The following ADCY7 variants were observed in gnomAD, a reference collection of about 807,000 sequenced individuals.
The protein encoded by ADCY7 is adenylate cyclase 7.
A neutral mutation model predicts 120.6 loss-of-function variants in ADCY7; 72 were observed. The observed-to-expected ratio is 0.60, with a 90% CI of 0.49 to 0.73. The LOEUF is 0.73. Among genes scored for constraint, ADCY7 ranks in the 30% least tolerant of loss-of-function variants. ADCY7 has a pLI of 0.00. For synonymous variants in ADCY7, 661 were observed against 628.0 expected (o/e 1.05, Z -0.78); for missense variants, 1,227 against 1,486.0 (o/e 0.83, Z 2.87).
chr16:50,247,049 T>C (rs74377379), intron 1 of ADCY7, among the ~76,000 whole-genome samples: 4,403 of 152,036 alleles, frequency 0.029, 65 homozygotes, highest in Admixed American at 0.046. Flanking sequence ...GCTCCAGAGA[T>C]TGAATGAATG....
intron 1 of ADCY7, among the ~76,000 whole-genome samples, chr16:50,252,866 ACTT>A (rs1159676227): frequency 6.6e-6 from 1 of 152,210 alleles, no homozygotes; most frequent in Non-Finnish European, 1.5e-5. Flanking sequence ...TGGGGAAAAA[ACTT>A]CTTAATAGAA....
intron 1 of ADCY7, among the ~76,000 whole-genome samples, chr16:50,247,539 A>ATTT (rs5816683): frequency 0.45 from 50,323 of 111,254 alleles, 13,472 homozygotes; most frequent in East Asian, 0.67. Context: ...TAATTTAGTA[A>ATTT]TTTTTTTTTT....
chr16:50,288,351 G>C lies in ADCY7; in HGVS notation c.171+1G>C, dbSNP rs1159627419. 1 of 1,543,176 alleles carries C rather than the reference G, an allele frequency of 6.5e-7. No individual in the cohort carries two copies. The highest frequency in any genetic ancestry group is 8.8e-7 in the Non-Finnish European group (1 of 1,141,524). On this transcript the variant is annotated splice_donor_variant, in intron 2 of 25. Coordinates refer to ENST00000673801, the MANE Select transcript of ADCY7 (RefSeq NM_001114.5). LOFTEE classifies it high-confidence loss of function. ...CATCATCATTGCCTTCAGCCAGGGG[G>C]TGAGTGAGGGCAGCCCCTGGGCTTC... is the stretch of plus-strand genomic sequence containing the variant.
At position 50,305,602 on chromosome 16, in the gene ADCY7, TCTGTC is replaced by T; in HGVS notation, c.1679+18_1679+22del. The T allele has an allele frequency of 1.9e-6, 3 of 1,585,656 alleles. No homozygotes were observed. The highest frequency in any genetic ancestry group is 2.6e-6 in the Non-Finnish European group (3 of 1,162,860). Reference sequence around the variant, plus strand: ...GCTCCACGAGGTGAGGTCTGAGACCTCTGTCCACCCCCCTCTCCTCTCCCCCTCGG... The same window carrying T: ...GCTCCACGAGGTGAGGTCTGAGACCTCACCCCCCTCTCCTCTCCCCCTCGG... On this transcript the variant is annotated intron_variant, in intron 13 of 25. Coordinates refer to ENST00000673801, the MANE Select transcript of ADCY7 (RefSeq NM_001114.5).
In ADCY7 at chr16:50,288,145, C is replaced by T. The variant is rs200293174; in HGVS notation, c.-35C>T. ...CCTCCAGGCCCTGGGGCCTCCTTAA[C>T]GGCCCCTTAACGACACGCGTGCCAA... On this transcript the variant is annotated 5_prime_UTR_variant, in exon 2 of 26. The change creates a new upstream start codon in the 5' untranslated region. Transcript: ENST00000673801. The T allele has an allele frequency of 2.0e-5, 31 of 1,518,034 alleles. No individual in the cohort carries two copies. The highest frequency in any genetic ancestry group is 1.2e-4 in the East Asian group (5 of 40,414). 94.0% of individuals were successfully genotyped at this position (1,518,034 alleles called of 1,614,324 possible).
intron 15 of ADCY7, among the ~76,000 whole-genome samples, chr16:50,307,771 G>A (rs1182711351): frequency 3.9e-5 from 6 of 152,260 alleles, no homozygotes; most frequent in East Asian, 1.9e-4. Flanking sequence ...GCTGCGGGGC[G>A]AATCACTCGA....
chr16:50,262,045 G>C (rs1022864418), upstream of ADCY7, among the ~76,000 whole-genome samples: 2 of 152,160 alleles, frequency 1.3e-5, no homozygotes, highest in African/African-American at 4.8e-5. Flanking sequence ...TGTGTGGCAG[G>C]GCCAAGCTGT....
At chr16:50,291,644 C>A in intron 3 of ADCY7, 92 bp from the exon 4 acceptor site, 1 of 1,491,766 alleles carries the variant, frequency 6.7e-7, no homozygotes, top group Non-Finnish European at 9.2e-7. Flanking sequence ...TAAGGATACG[C>A]ACTGGGTGGG....
At chr16:50,307,263 C>T (rs760555290) in intron 15 of ADCY7, 116 bp downstream of exon 15, 32 of 908,060 alleles carry the variant, frequency 3.5e-5, no homozygotes, top group South Asian at 7.7e-5. Flanking sequence ...TGCTGGGGTC[C>T]TAGCAACTGG....
rs527823420 is a variant in ADCY7, at chr16:50,301,142, T to G, written c.1296T>G (p.Asp432Glu). 1.2e-6 allele frequency: 2 copies of G among 1,613,902 alleles called. No homozygotes were observed. Among genetic ancestry groups the G allele is most frequent in the East Asian group, 2.2e-5 (1 of 44,872 alleles). ...KHLDKAYEVEDGHGQQRDPYL... is the reference protein window; with the variant it reads ...KHLDKAYEVEEGHGQQRDPYL... ...TGGACAAGGCGTACGAGGTGGAGGA[T>G]GGGCACGGGCAGCAGCGGGACCCCT... is the stretch of plus-strand genomic sequence containing the variant. The change falls in exon 10 of 26, where the codon GAT becomes GAG. Residue 432 changes from aspartate to glutamate, a missense_variant. Physicochemically the swap from Asp to Glu is conservative, Grantham distance 45. Coordinates refer to ENST00000673801, the MANE Select transcript of ADCY7 (RefSeq NM_001114.5).
chr16:50,258,744 C>T (rs1210638569), intron 1 of ADCY7, among the ~76,000 whole-genome samples: 3 of 151,966 alleles, frequency 2.0e-5, no homozygotes, highest in African/African-American at 7.3e-5. Context: ...AGGTGCCCAC[C>T]ACCAGCTCAG....
upstream of ADCY7, among the ~76,000 whole-genome samples, chr16:50,244,735 C>G (rs947905454): frequency 1.1e-4 from 17 of 152,250 alleles, no homozygotes; most frequent in African/African-American, 4.1e-4. Flanking sequence ...CGCAGGGAGG[C>G]CCCAGCTGCT....
intron 1 of ADCY7, among the ~76,000 whole-genome samples, chr16:50,284,000 A>G (rs1178929771): frequency 6.6e-6 from 1 of 152,180 alleles, no homozygotes; most frequent in Non-Finnish European, 1.5e-5. Context: ...GGATTCCTTT[A>G]TCCAGGGCCT....
In ADCY7 at chr16:50,288,325, T is replaced by A; in HGVS notation, c.146T>A (p.Leu49His). 6.5e-7 allele frequency: 1 copy of A among 1,549,544 alleles called. No homozygotes were observed. The change falls in exon 2 of 26, where the codon CTC becomes CAC. Residue 49 changes from leucine (L) to histidine (H), a missense_variant. Physicochemically the swap from Leu to His is moderately conservative, Grantham distance 99. Transcript: ENST00000673801. ...LLVAATACVA[L>H]IIIAFSQGDP... ...GTGGCCGCCACTGCCTGCGTGGCCC[T>A]CATCATCATTGCCTTCAGCCAGGGG...
chr16:50,307,286 GGC>G, intron 15 of ADCY7, 139 bp downstream of exon 15: 2 of 708,272 alleles, frequency 2.8e-6, no homozygotes, highest in South Asian at 3.6e-5. Flanking sequence ...CAGGGGCTGT[GGC>G]AGCACACCTT....
intron 7 of ADCY7, among the ~76,000 whole-genome samples, chr16:50,296,212 CA>C (rs1374575649): frequency 6.6e-6 from 1 of 152,118 alleles, no homozygotes; most frequent in African/African-American, 2.4e-5. Flanking sequence ...ACCACAACCC[CA>C]GGCTAATTTT....
Position 50,308,917 on chromosome 16 carries a change from TG to T in ADCY7, c.2061+131del, listed in dbSNP as rs2036264591. ...CTCCCCCGAGCTCAGCAGGTGGATG[TG>T]GGGGGTTCCCCTTTGTACACTCAGG... On this transcript the variant is annotated intron_variant, in intron 17 of 25. Transcript: ENST00000673801. The T allele has an allele frequency of 2.0e-5, 26 of 1,278,368 alleles. No individual in the cohort carries two copies. The East Asian group carries it at 5.7e-4, about 28-fold the overall frequency. 79.2% of individuals were successfully genotyped at this position (1,278,368 alleles called of 1,614,324 possible). A position where few individuals can be genotyped will look rare whatever the true frequency, so the allele number is the denominator to read the frequency against.
intron 1 of ADCY7, among the ~76,000 whole-genome samples, chr16:50,287,367 A>G (rs1467119272): frequency 6.6e-6 from 1 of 150,702 alleles, no homozygotes; most frequent in Non-Finnish European, 1.5e-5. Context: ...TGAATTTCTA[A>G]TTTTATTTTA....
chr16:50,288,284 G>A lies in ADCY7; in HGVS notation c.105G>A (p.Leu35=). Residue 35 remains leucine, a synonymous_variant, in exon 2 of 26, where the codon CTG becomes CTA. Transcript: ENST00000673801. Reference sequence around the variant, plus strand: ...TCACCAGCCAGCATGGGCCGCTGCTGCTCACGCTCCTGCTGGTGGCCGCCA... The same window carrying A: ...TCACCAGCCAGCATGGGCCGCTGCTACTCACGCTCCTGCTGGTGGCCGCCA... ...YQLTSQHGPL[L]LTLLLVAATA... is the part of the protein sequence containing the mutation. 6.4e-7 allele frequency: 1 copy of A among 1,551,036 alleles called. No individual in the cohort carries two copies. Among genetic ancestry groups the A allele is most frequent in the Non-Finnish European group, 8.7e-7 (1 of 1,146,908 alleles).
Sources: allele counts gnomAD v4.1 joint callset (sites outside exome capture counted in the v4.1 genomes callset), GRCh38; gene constraint gnomAD v4.1.1; transcripts MANE v1.5; gene names NCBI Gene and HGNC (gene_info 2026-07-23, HGNC 2026-07-21).